Variants in UTRN observed in about 807,000 individuals in gnomAD.
UTRN encodes dystrophin-related protein 1.
Under a neutral mutation model 463.9 loss-of-function variants are expected in UTRN, and 283 were observed. The ratio of observed to expected loss-of-function variants is 0.61; its 90% CI spans 0.55 to 0.67. The LOEUF is 0.67. Among genes scored for constraint, UTRN ranks in the 30% least tolerant of loss-of-function variants. The pLI, the probability that UTRN is intolerant of heterozygous loss-of-function variation, is 0.00. For missense variants in UTRN, 3,922 were observed against 4,084.3 expected (o/e 0.96, Z 1.08); for synonymous variants, 1,442 against 1,431.5 (o/e 1.01, Z -0.17).
In UTRN at chr6:144,594,532, T is replaced by G. The variant is rs149404799; in HGVS notation, c.7479+17244T>G. Among the ~76,000 whole-genome samples, 314 of 152,328 alleles carry G rather than the reference T, an allele frequency of 2.1e-3. 2 individuals are homozygous for G. Among genetic ancestry groups the G allele is most frequent in the African/African-American group, 6.0e-3 (248 of 41,574 alleles). On this transcript the variant is annotated intron_variant, in intron 51 of 74. Transcript: ENST00000367545. ...AAATATTGAATAAATAAACCAAATT[T>G]CAATTTTTCCTTAGATTTAAAAATT...
At chr6:144,707,738 TG>T (rs1586136434) in intron 53 of UTRN, among the ~76,000 whole-genome samples, 1 of 152,192 alleles carries the variant, frequency 6.6e-6, no homozygotes, top group Non-Finnish European at 1.5e-5. Context: ...GGGTGGGGCC[TG>T]CAAATGTGCA....
intron 2 of UTRN, among the ~76,000 whole-genome samples, chr6:144,317,466 G>A (rs1160134226): frequency 6.6e-6 from 1 of 151,808 alleles, no homozygotes; most frequent in Non-Finnish European, 1.5e-5. Flanking sequence ...GGGCCATCTC[G>A]GCTCACTGCA....
chr6:144,847,264 C>G (rs375575707), intron 74 of UTRN, among the ~76,000 whole-genome samples: 50 of 152,288 alleles, frequency 3.3e-4, no homozygotes, highest in African/African-American at 1.2e-3. Context: ...CTGTTGGCAG[C>G]TGTACCCTTA....
At chr6:144,669,213 A>G (rs551841648) in intron 51 of UTRN, among the ~76,000 whole-genome samples, 104 of 152,320 alleles carry the variant, frequency 6.8e-4, no homozygotes, top group Middle Eastern at 6.8e-3. Context: ...TAGACACTCT[A>G]TATCTTAAAT....
At chr6:144,378,643 G>T (rs915708426) in intron 2 of UTRN, among the ~76,000 whole-genome samples, 2 of 152,226 alleles carry the variant, frequency 1.3e-5, no homozygotes, top group Non-Finnish European at 2.9e-5. Flanking sequence ...AGGTCAGTGT[G>T]CTGGAGCAAA....
intron 7 of UTRN, among the ~76,000 whole-genome samples, chr6:144,427,158 T>C (rs1785369586): frequency 6.6e-6 from 1 of 152,180 alleles, no homozygotes; most frequent in Admixed American, 6.5e-5. Context: ...ACGCTTGAGC[T>C]GACATTGCAG....
intron 51 of UTRN, among the ~76,000 whole-genome samples, chr6:144,661,728 G>C (rs962938001): frequency 2.6e-5 from 4 of 152,128 alleles, no homozygotes; most frequent in African/African-American, 9.7e-5. Flanking sequence ...CCCCCTGAGA[G>C]GCAGTAATTG....
At chr6:144,581,519 C>T (rs1585384032) in intron 51 of UTRN, among the ~76,000 whole-genome samples, 1 of 152,062 alleles carries the variant, frequency 6.6e-6, no homozygotes, top group African/African-American at 2.4e-5. Context: ...TCATTTTCAT[C>T]GTCTTGTTCC....
At chr6:144,641,167 T>C (rs59537871) in intron 51 of UTRN, among the ~76,000 whole-genome samples, 6,528 of 152,164 alleles carry the variant, frequency 0.043, 389 homozygotes, top group African/African-American at 0.13. Flanking sequence ...CCCAAGGTAG[T>C]TGGGGTACAG....
chr6:144,827,365 G>C lies in UTRN; in HGVS notation c.9512G>C (p.Ser3171Thr). The change falls in exon 67 of 75, where the codon AGT becomes ACT. Residue 3171 changes from serine (S) to threonine (T), a missense_variant. Ser to Thr is a moderately conservative substitution (Grantham distance 58, BLOSUM62 1). Coordinates refer to ENST00000367545, the MANE Select transcript of UTRN (RefSeq NM_007124.3). ...DNLETPITLISMWPEHYDPSQ... is the reference protein window; with the variant it reads ...DNLETPITLITMWPEHYDPSQ... ...CTTTGCAGTCCTATCACACTCATCA[G>C]TATGTGGCCAGAGCACTATGAGTGA... 10 of 1,613,402 alleles carry C rather than the reference G, an allele frequency of 6.2e-6. No homozygotes were observed. Among genetic ancestry groups the C allele is most frequent in the Non-Finnish European group, 5.9e-6 (7 of 1,179,594 alleles).
chr6:144,395,356 C>A (rs1242399773), intron 2 of UTRN, among the ~76,000 whole-genome samples: 1 of 149,482 alleles, frequency 6.7e-6, no homozygotes, highest in Non-Finnish European at 1.5e-5. Context: ...GTCTGTTTTT[C>A]TGCATTTGCA....
At chr6:144,675,259 CTCCAATCTGAT>C (rs1781474730) in intron 51 of UTRN, among the ~76,000 whole-genome samples, 1 of 152,158 alleles carries the variant, frequency 6.6e-6, no homozygotes, top group Admixed American at 6.5e-5. Flanking sequence ...GGCTACCGGG[CTCCAATCTGAT>C]CCTAGGGAAT....
At chr6:144,621,604 T>C (rs970380535) in intron 51 of UTRN, among the ~76,000 whole-genome samples, 1 of 152,208 alleles carries the variant, frequency 6.6e-6, no homozygotes, top group Admixed American at 6.5e-5. Context: ...ATAGTGTTAA[T>C]AATAACATAT....
intron 26 of UTRN, among the ~76,000 whole-genome samples, chr6:144,481,697 A>T (rs1207404825): frequency 1.3e-5 from 2 of 152,242 alleles, no homozygotes; most frequent in Non-Finnish European, 2.9e-5. Flanking sequence ...TGAAATGAAA[A>T]CATTTGTGGG....
chr6:144,726,866 C>T (rs908058176), intron 53 of UTRN, among the ~76,000 whole-genome samples: 1 of 152,136 alleles, frequency 6.6e-6, no homozygotes, highest in African/African-American at 2.4e-5. Flanking sequence ...AAATAAAATT[C>T]CATCCATAAA....
At chr6:144,398,273 C>T (rs978460630) in intron 2 of UTRN, 1 of 277,028 alleles carries the variant, frequency 3.6e-6, no homozygotes, top group Admixed American at 4.6e-5. Context: ...TAACAACCAT[C>T]ATTGCCTTGG....
chr6:144,828,626 G>A (rs1562959515), intron 68 of UTRN, among the ~76,000 whole-genome samples, 164 bp from the exon 69 acceptor site: 1 of 152,170 alleles, frequency 6.6e-6, no homozygotes, highest in Non-Finnish European at 1.5e-5. Context: ...TGATAGAAAG[G>A]TAGCTCAACA....
intron 51 of UTRN, among the ~76,000 whole-genome samples, chr6:144,632,546 A>G (rs564768593): frequency 6.6e-6 from 1 of 152,226 alleles, no homozygotes; most frequent in East Asian, 1.9e-4. Context: ...GACAGCAGAG[A>G]TGTACAATTT....
chr6:144,499,875 C>G (rs1201807566), intron 34 of UTRN, among the ~76,000 whole-genome samples: 1 of 152,176 alleles, frequency 6.6e-6, no homozygotes, highest in East Asian at 1.9e-4. Context: ...AATTGGTTTC[C>G]CATTCCTGCA....
Sources: allele counts gnomAD v4.1 joint callset (sites outside exome capture counted in the v4.1 genomes callset), GRCh38; gene constraint gnomAD v4.1.1; transcripts MANE v1.5; gene names NCBI Gene and HGNC (gene_info 2026-07-23, HGNC 2026-07-21).